DPYD: variants seen among roughly 807,000 people sequenced by gnomAD.
The protein encoded by DPYD is dihydropyrimidine dehydrogenase.
In DPYD, 109 loss-of-function variants were observed where a neutral mutation model predicts 116.2. The ratio of observed to expected loss-of-function variants is 0.94; its 90% CI spans 0.80 to 1.10. The LOEUF (loss-of-function observed/expected upper bound fraction) is 1.10. DPYD is among the 50% of genes least tolerant of loss of function. DPYD has a pLI of 0.00. For missense variants in DPYD, 1,302 were observed against 1,254.5 expected (o/e 1.04, Z -0.57); for synonymous variants, 440 against 432.0 (o/e 1.02, Z -0.23).
chr1:97,332,242 C>T (rs28556633), intron 16 of DPYD, among the ~76,000 whole-genome samples: 3,445 of 152,226 alleles, frequency 0.023, 116 homozygotes, highest in African/African-American at 0.076. Context: ...TGAGCTAGTT[C>T]TGCTTCTGTT....
intron 4 of DPYD, among the ~76,000 whole-genome samples, chr1:97,727,359 T>C (rs1557912827): frequency 6.6e-6 from 1 of 151,750 alleles, no homozygotes; most frequent in Non-Finnish European, 1.5e-5. Context: ...TTGGGAAAGA[T>C]TATTAGAAGA....
chr1:97,090,327 A>G (rs1649816599), intron 21 of DPYD, among the ~76,000 whole-genome samples: 1 of 152,284 alleles, frequency 6.6e-6, no homozygotes, highest in Admixed American at 6.5e-5. Context: ...ACCCTTTGGA[A>G]TCAAATCTTG....
chr1:97,671,923 AT>A (rs1659885903), intron 8 of DPYD, among the ~76,000 whole-genome samples: 1 of 140,818 alleles, frequency 7.1e-6, no homozygotes, highest in Non-Finnish European at 1.6e-5. Context: ...CTTTTTATTT[AT>A]TTATTTACGT....
chr1:97,804,410 A>C (rs1022437436), intron 3 of DPYD, among the ~76,000 whole-genome samples: 1 of 151,850 alleles, frequency 6.6e-6, no homozygotes, highest in African/African-American at 2.4e-5. Context: ...CCCATAATAT[A>C]AAGTCCTAAA....
rs1359111141 is a variant in DPYD at position 97,526,058 on chromosome 1, A to G, written c.1525-10117T>C. 2.0e-5 allele frequency among the ~76,000 whole-genome samples: 3 copies of G among 151,960 alleles called. No homozygotes were observed. In the East Asian group the frequency reaches 5.8e-4, roughly 30 times the overall value. Reference sequence around the variant, plus strand: ...CATTAAATGACACAAAGATTCACCAACATCACACTTTTGCCAAGGTCTTGC... The same window carrying G: ...CATTAAATGACACAAAGATTCACCAGCATCACACTTTTGCCAAGGTCTTGC... On this transcript the variant is annotated intron_variant, in intron 12 of 22. Coordinates refer to ENST00000370192, the MANE Select transcript of DPYD (RefSeq NM_000110.4).
intron 18 of DPYD, among the ~76,000 whole-genome samples, chr1:97,264,162 GTTTTTTTTTTTTTTTTTTTTT>G (rs71071641): frequency 1.7e-5 from 1 of 60,088 alleles, no homozygotes; most frequent in South Asian, 5.8e-4. Flanking sequence ...GCAAAATTCT[GTTTTTTTTTTTTTTTTTTTTT>G]TTTTTTTTTT....
Position 97,899,531 on chromosome 1 carries a change from A to G in DPYD, c.40-16157T>C, listed in dbSNP as rs549846595. ...TCCTGAGGGTATTTATAGTAAATCA[A>G]TTGTGCCTGGAGGTGGTCTTGGAAC... is the stretch of plus-strand genomic sequence containing the variant. On this transcript the variant is annotated intron_variant, in intron 1 of 22. Transcript: ENST00000370192. Among the ~76,000 whole-genome samples, 10 of 151,890 alleles carry G rather than the reference A, an allele frequency of 6.6e-5. No individual in the cohort carries two copies. The South Asian group carries it at 1.2e-3, about 19-fold the overall frequency.
chr1:97,483,645 C>A (rs1170114905), intron 13 of DPYD, among the ~76,000 whole-genome samples: 7 of 151,694 alleles, frequency 4.6e-5, no homozygotes, highest in African/African-American at 1.7e-4. Context: ...ATATTCTGGA[C>A]CTAAAAAAAA....
Position 97,492,239 on chromosome 1 carries a change from T to A in DPYD, c.1740+23487A>T, listed in dbSNP as rs143422520. Among the ~76,000 whole-genome samples, 453 of 152,278 alleles carry A rather than the reference T, an allele frequency of 3.0e-3. 3 individuals are homozygous for A. Among genetic ancestry groups the A allele is most frequent in the African/African-American group, 0.01 (435 of 41,574 alleles). On this transcript the variant is annotated intron_variant, in intron 13 of 22. Coordinates refer to ENST00000370192, the MANE Select transcript of DPYD (RefSeq NM_000110.4). ...GATTGCAGATCAAGGCATTTTGATA[T>A]AATGTAATTTTTTAAGTAGCTTTTT... is the stretch of plus-strand genomic sequence containing the variant.
intron 16 of DPYD, chr1:97,322,948 C>G (rs1041116035): frequency 6.6e-6 from 1 of 151,798 alleles, no homozygotes; most frequent in African/African-American, 2.4e-5. Flanking sequence ...CTCTGCAATA[C>G]GAATACATCT....
chr1:97,267,411 C>G (rs1219829545), intron 18 of DPYD, among the ~76,000 whole-genome samples: 1 of 152,090 alleles, frequency 6.6e-6, no homozygotes, highest in East Asian at 1.9e-4. Flanking sequence ...AGATCAGATT[C>G]ATTTCTTACA....
chr1:97,717,460 T>C (rs892195281), intron 5 of DPYD, among the ~76,000 whole-genome samples: 5 of 152,060 alleles, frequency 3.3e-5, no homozygotes, highest in African/African-American at 1.2e-4. Context: ...AATATTTCAA[T>C]AGTTTTTGGG....
intron 20 of DPYD, among the ~76,000 whole-genome samples, chr1:97,126,543 T>A (rs1356111487): frequency 6.6e-6 from 1 of 152,064 alleles, no homozygotes; most frequent in Admixed American, 6.6e-5. Context: ...GGTGAATCCT[T>A]ACTATGTCCT....
chr1:97,559,960 T>C (rs1294703225), intron 11 of DPYD, among the ~76,000 whole-genome samples: 2 of 152,200 alleles, frequency 1.3e-5, no homozygotes, highest in African/African-American at 4.8e-5. Flanking sequence ...CTCAATTTTA[T>C]AGTTGAGGAA....
intron 10 of DPYD, among the ~76,000 whole-genome samples, chr1:97,578,602 C>A (rs1262732561): frequency 3.9e-5 from 6 of 152,174 alleles, no homozygotes; most frequent in African/African-American, 1.4e-4. Flanking sequence ...CCTATGTGAT[C>A]TTCATTATGT....
chr1:97,392,016 G>C (rs1327752238), intron 14 of DPYD, among the ~76,000 whole-genome samples: 1 of 151,998 alleles, frequency 6.6e-6, no homozygotes, highest in Non-Finnish European at 1.5e-5. Flanking sequence ...GCAAAAGAAA[G>C]GGTAATCATT....
intron 5 of DPYD, among the ~76,000 whole-genome samples, chr1:97,712,518 G>A (rs1342786744): frequency 6.6e-6 from 1 of 151,890 alleles, no homozygotes; most frequent in Non-Finnish European, 1.5e-5. Context: ...GATAAAGTCA[G>A]GTACCATCAG....
chr1:97,656,227 T>C (rs909528991), intron 8 of DPYD, among the ~76,000 whole-genome samples: 10 of 152,176 alleles, frequency 6.6e-5, no homozygotes, highest in African/African-American at 2.4e-4. Flanking sequence ...AGAATAATGT[T>C]CTCCACTTGT....
At chr1:97,416,129 T>C (rs779912476) in intron 14 of DPYD, among the ~76,000 whole-genome samples, 2 of 152,216 alleles carry the variant, frequency 1.3e-5, no homozygotes, top group Admixed American at 6.5e-5. Flanking sequence ...CAGAATTTGA[T>C]ATTAAATTGC....
Sources: gnomAD v4.1 joint callset for allele counts (sites outside exome capture counted in the v4.1 genomes callset) on GRCh38, gnomAD v4.1.1 for gene constraint, MANE v1.5 for transcripts, NCBI Gene and HGNC (gene_info 2026-07-23, HGNC 2026-07-21) for gene names.